B3GNT5: variants seen among roughly 807,000 people sequenced by gnomAD.
B3GNT5 encodes UDP-GlcNAc:betaGal beta-1,3-N-acetylglucosaminyltransferase 5.
A neutral mutation model predicts 25.9 loss-of-function variants in B3GNT5; 11 were observed. The observed-to-expected ratio is 0.42, with a 90% confidence interval of 0.27 to 0.70. The LOEUF (loss-of-function observed/expected upper bound fraction) is 0.70. Ranked by LOEUF, B3GNT5 falls within the 30% of genes least tolerant of loss-of-function variation. The pLI, the probability that B3GNT5 is intolerant of heterozygous loss-of-function variation, is 0.23. For synonymous variants in B3GNT5, 166 were observed against 158.6 expected, an observed-to-expected ratio of 1.05 and a Z score of -0.35; for missense variants, 385 against 458.4, an observed-to-expected ratio of 0.84 and a Z score of 1.46.
intron 1 of B3GNT5, among the ~76,000 whole-genome samples, chr3:183,260,204 G>A (rs1357573365): frequency 6.6e-6 from 1 of 152,098 alleles, no homozygotes; most frequent in Admixed American, 6.5e-5. Flanking sequence ...GCAAAATGTG[G>A]AGGGAGATCC....
chr3:183,262,153 A>C (rs1385510253), intron 1 of B3GNT5, among the ~76,000 whole-genome samples: 1 of 127,028 alleles, frequency 7.9e-6, no homozygotes, highest in Non-Finnish European at 1.5e-5. Context: ...ATATACACTA[A>C]GGGTTAGTCT....
At position 183,268,518 on chromosome 3, in the gene B3GNT5, C is replaced by T. The variant is rs115284159; in HGVS notation, c.-301-980C>T. On this transcript the variant is annotated intron_variant, in intron 1 of 1. Transcript: ENST00000326505. ...ATGGAAGTGGAGAAAATGGGGGGGG[C>T]GGTTCCAGATTTCAGGCATAGATGA... is the stretch of plus-strand genomic sequence containing the variant. Among the ~76,000 whole-genome samples the T allele has an allele frequency of 7.9e-3, 1,189 of 149,628 alleles. 21 individuals are homozygous for T. The highest frequency in any genetic ancestry group is 0.029 in the African/African-American group (1,145 of 39,450).
At position 183,269,864 on chromosome 3, in the gene B3GNT5, T is replaced by C. The variant is rs1451948094; in HGVS notation, c.66T>C (p.Thr22=). 1 of 1,613,990 alleles carries C rather than the reference T, an allele frequency of 6.2e-7. No individual in the cohort carries two copies. The highest frequency in any genetic ancestry group is 1.7e-5 in the Admixed American group (1 of 59,962). ...KWQLIIQLFA[T]CFLASLMFFW... is the part of the protein sequence containing the mutation. ...AGTTAATTATTCAGTTATTTGCTACTTGTTTTTTAGCGAGCCTCATGTTTT... is the reference window on the plus strand; with the variant it reads ...AGTTAATTATTCAGTTATTTGCTACCTGTTTTTTAGCGAGCCTCATGTTTT... The change falls in exon 2 of 2, where the codon ACT becomes ACC. Residue 22 remains threonine (T), a synonymous_variant. Coordinates refer to ENST00000326505, the MANE Select transcript of B3GNT5 (RefSeq NM_032047.5).
Position 183,270,297 on chromosome 3 carries a change from A to G in B3GNT5, c.499A>G (p.Asn167Asp). The stretch of plus-strand genomic sequence containing the variant: ...GCAAGACTTTGTTGATTCTTTCTAC[A>G]ATCTTACTCTGAAATTACTTATGCA... ...IQQDFVDSFY[N>D]LTLKLLMQFS... Residue 167 changes from asparagine to aspartate, a missense_variant, in exon 2 of 2, where the codon AAT becomes GAT. By Grantham distance (23) the Asn-to-Asp change is conservative. Coordinates refer to ENST00000326505, the MANE Select transcript of B3GNT5 (RefSeq NM_032047.5). The surrounding 1 kb of genome is among the most constrained non-coding windows in gnomAD (Gnocchi z 4.5). The G allele has an allele frequency of 6.2e-7, 1 of 1,614,216 alleles. No individual in the cohort carries two copies. The highest frequency in any genetic ancestry group is 8.5e-7 in the Non-Finnish European group (1 of 1,180,030).
intron 1 of B3GNT5, among the ~76,000 whole-genome samples, chr3:183,266,292 C>T (rs1455879873): frequency 2.0e-5 from 3 of 152,198 alleles, no homozygotes; most frequent in Admixed American, 6.5e-5. Flanking sequence ...TGGAGCTTGC[C>T]GGGCACAGCT....
rs73884619 is a variant in B3GNT5, at chr3:183,272,575, A to T, written c.*1640A>T. 5.9e-3 allele frequency: 5,894 copies of T among 993,200 alleles called. 269 individuals are homozygous for T. The African/African-American group carries it at 0.09, about 15-fold the overall frequency. The allele number at this position is 993,200 out of a possible 1,614,324, so 61.5% of individuals were successfully genotyped here. On this transcript the variant is annotated 3_prime_UTR_variant, in exon 2 of 2. Transcript: ENST00000326505. ...TGTTTACATTGCTTAGATAATTTAGAATTTTTAACTAATGTCAAAACTACA... is the reference window on the plus strand; with the variant it reads ...TGTTTACATTGCTTAGATAATTTAGTATTTTTAACTAATGTCAAAACTACA...
In B3GNT5 at chr3:183,272,891, A is replaced by C. The variant is rs1263772834; in HGVS notation, c.*1956A>C. On this transcript the variant is annotated 3_prime_UTR_variant, in exon 2 of 2. Coordinates refer to ENST00000326505, the MANE Select transcript of B3GNT5 (RefSeq NM_032047.5). ...GTTTACAGCAGTGCTTTTGTGAAACAATTATTTATTTGCTGAAAGAGCTCT... is the reference window on the plus strand; with the variant it reads ...GTTTACAGCAGTGCTTTTGTGAAACCATTATTTATTTGCTGAAAGAGCTCT... 6 of 1,321,614 alleles carry C rather than the reference A, an allele frequency of 4.5e-6. No individual in the cohort carries two copies. In the African/African-American group the frequency reaches 4.6e-5, roughly 10 times the overall value. 81.9% of individuals were successfully genotyped at this position (1,321,614 alleles called of 1,614,324 possible). A position where few individuals can be genotyped will look rare whatever the true frequency, so the allele number is the denominator to read the frequency against.
rs1204727016 is a variant in B3GNT5, at chr3:183,269,820, A to G, written c.22A>G (p.Arg8Gly). The change falls in exon 2 of 2, where the codon AGA (arginine) becomes GGA (glycine). Residue 8 changes from arginine (R) to glycine (G), a missense_variant. Arg to Gly is a moderately radical substitution (Grantham distance 125). Transcript: ENST00000326505. Reference sequence around the variant, plus strand: ...GGATATGAGAATGTTGGTTAGTGGCAGAAGAGTCAAAAAATGGCAGTTAAT... The same window carrying G: ...GGATATGAGAATGTTGGTTAGTGGCGGAAGAGTCAAAAAATGGCAGTTAAT... MRMLVSG[R>G]RVKKWQLIIQ... 1.9e-6 allele frequency: 3 copies of G among 1,609,138 alleles called. No individual in the cohort carries two copies. In the East Asian group the frequency reaches 6.7e-5, roughly 36 times the overall value.
rs1726272103 is a variant in B3GNT5 at position 183,267,522 on chromosome 3, G to GGGGGTTT, written c.-301-1976_-301-1975insGGGGTTT. Among the ~76,000 whole-genome samples the GGGGGTTT allele has an allele frequency of 6.6e-6, 1 of 152,226 alleles. No individual in the cohort carries two copies. The highest frequency in any genetic ancestry group is 1.5e-5 in the Non-Finnish European group (1 of 68,038). Reference sequence around the variant, plus strand: ...GTGTACAGTTGGTTTTCTATCAGGGGTCAACCGGCGGGGGGACTTGAGAAC... The same window carrying GGGGGTTT: ...GTGTACAGTTGGTTTTCTATCAGGGGGGGGTTTTCAACCGGCGGGGGGACTTGAGAAC... On this transcript the variant is annotated intron_variant, in intron 1 of 1. Transcript: ENST00000326505. The surrounding 1 kb of genome is among the most constrained non-coding windows in gnomAD (Gnocchi z 5.5).
chr3:183,261,544 A>G (rs1004020219), intron 1 of B3GNT5, among the ~76,000 whole-genome samples: 2 of 152,190 alleles, frequency 1.3e-5, no homozygotes, highest in African/African-American at 2.4e-5. Flanking sequence ...GAGGAGCCTT[A>G]TATAGTCTAC....
chr3:183,254,307 G>T (rs1406305995), intron 1 of B3GNT5: 2 of 151,868 alleles, frequency 1.3e-5, no homozygotes, highest in African/African-American at 4.8e-5. Flanking sequence ...CCCTGGCCCG[G>T]ACCGCGCACG....
chr3:183,254,677 C>T (rs563387888), intron 1 of B3GNT5: 4 of 152,350 alleles, frequency 2.6e-5, no homozygotes, highest in African/African-American at 4.8e-5. Flanking sequence ...GGCTTGCGGC[C>T]ACCCGCCTCC....
At chr3:183,259,745 T>TG (rs956705673) in intron 1 of B3GNT5, among the ~76,000 whole-genome samples, 1 of 152,184 alleles carries the variant, frequency 6.6e-6, no homozygotes, top group African/African-American at 2.4e-5. Flanking sequence ...TCTCCATCCT[T>TG]GGAGTCCCTG....
intron 1 of B3GNT5, chr3:183,265,923 C>T (rs1410653596): frequency 6.6e-6 from 1 of 152,106 alleles, no homozygotes; most frequent in Non-Finnish European, 1.5e-5. Context: ...AAATAAGTAG[C>T]GTGGGATGTT....
chr3:183,265,211 C>A (rs185571988), intron 1 of B3GNT5: 1 of 152,356 alleles, frequency 6.6e-6, no homozygotes, highest in African/African-American at 2.4e-5. Context: ...CCCAAGGTTA[C>A]ACAATAAATC....
chr3:183,258,018 A>AGT (rs1176170297), intron 1 of B3GNT5, among the ~76,000 whole-genome samples: 1 of 113,620 alleles, frequency 8.8e-6, no homozygotes, highest in South Asian at 3.1e-4. Context: ...CCCAGGCTGG[A>AGT]GTGCAATGGT....
chr3:183,267,353 T>C lies in B3GNT5; in HGVS notation c.-301-2145T>C, dbSNP rs576803487. Among the ~76,000 whole-genome samples the C allele has an allele frequency of 7.9e-5, 12 of 152,374 alleles. No homozygotes were observed. Among genetic ancestry groups the C allele is most frequent in the Middle Eastern group, 3.4e-3 (1 of 294 alleles). ...GCTTGGCTCTAATCTCTAGTCCTCA[T>C]TGGACATTTTACATACCTGGCCTTT... On this transcript the variant is annotated intron_variant, in intron 1 of 1. Coordinates refer to ENST00000326505, the MANE Select transcript of B3GNT5 (RefSeq NM_032047.5). This position sits in a 1 kb window ranked among gnomAD's most constrained non-coding sequence, Gnocchi z 5.5.
rs1045102481 is a variant in B3GNT5, at chr3:183,267,609, G to A, written c.-301-1889G>A. ...GCTTGCTATGTGGCTCAGCCTACAC[G>A]GCTCTCTCCCCGTCAGTCCTGTCCA... is the stretch of plus-strand genomic sequence containing the variant. On this transcript the variant is annotated intron_variant, in intron 1 of 1. Coordinates refer to ENST00000326505, the MANE Select transcript of B3GNT5 (RefSeq NM_032047.5). This position sits in a 1 kb window ranked among gnomAD's most constrained non-coding sequence, Gnocchi z 5.5. Among the ~76,000 whole-genome samples the A allele has an allele frequency of 6.6e-6, 1 of 152,224 alleles. No homozygotes were observed. Among genetic ancestry groups the A allele is most frequent in the African/African-American group, 2.4e-5 (1 of 41,462 alleles).
chr3:183,253,688 C>T (rs1282056587), intron 1 of B3GNT5: 1 of 152,420 alleles, frequency 6.6e-6, no homozygotes, highest in Non-Finnish European at 1.5e-5. Flanking sequence ...AAAAGACCAT[C>T]CTAATCCGCG....
Sources: allele counts gnomAD v4.1 joint callset (sites outside exome capture counted in the v4.1 genomes callset), GRCh38; gene constraint gnomAD v4.1.1; non-coding constraint Gnocchi (gnomAD v3.1); transcripts MANE v1.5; gene names NCBI Gene and HGNC (gene_info 2026-07-23, HGNC 2026-07-21).